The following ELL variants were observed in gnomAD, a reference collection of about 807,000 sequenced individuals.
ELL encodes the protein RNA polymerase II elongation factor ELL.
Under a neutral mutation model 64.0 loss-of-function variants are expected in ELL, and 18 were observed. That is an observed-to-expected ratio of 0.28 (90% CI 0.19 to 0.42). The LOEUF (loss-of-function observed/expected upper bound fraction) is 0.42. ELL is among the 10% of genes least tolerant of loss of function. The pLI, the probability that ELL is intolerant of heterozygous loss-of-function variation, is 1.00. For synonymous variants in ELL, 399 were observed against 376.2 expected, an observed-to-expected ratio of 1.06 and a Z score of -0.70; for missense variants, 797 against 870.4, an observed-to-expected ratio of 0.92 and a Z score of 1.06.
At position 18,461,883 on chromosome 19, in the gene ELL, G is replaced by A. The variant is rs374221374; in HGVS notation, c.470-31C>T. The A allele has an allele frequency of 1.5e-5, 24 of 1,595,140 alleles. No individual in the cohort carries two copies. In the African/African-American group the frequency reaches 2.9e-4, roughly 20 times the overall value. The stretch of plus-strand genomic sequence containing the variant: ...ACAAGAATCCAAGCTTTAGGGAACA[G>A]AGAGGGCGCTGCCGTGTCCTAAGCC... On this transcript the variant is annotated intron_variant, in intron 4 of 11. Coordinates refer to ENST00000262809, the MANE Select transcript of ELL (RefSeq NM_006532.4).
At chr19:18,471,277 A>T in intron 2 of ELL, 1 of 377,558 alleles carries the variant, frequency 2.6e-6, no homozygotes, top group South Asian at 2.0e-5. Context: ...TGAGAAGCTG[A>T]GGTGGGAGGA....
At position 18,461,755 on chromosome 19, in the gene ELL, C is replaced by T. The variant is rs1405706732; in HGVS notation, c.567G>A (p.Arg189=). ...CACTCACGGCACTGGCACCACTCTT[C>T]CTGATGGCACTCGCCAAGTTGATGG... ...ATPINLASAI[R]KSGASAVSGG... Residue 189 remains arginine, a synonymous_variant, in exon 5 of 12, where the codon AGG becomes AGA. Transcript: ENST00000262809. The T allele has an allele frequency of 1.2e-6, 2 of 1,614,066 alleles. No homozygotes were observed. The highest frequency in any genetic ancestry group is 1.7e-5 in the Admixed American group (1 of 60,034).
At chr19:18,515,070 G>A (rs558142893) in intron 1 of ELL, among the ~76,000 whole-genome samples, 1 of 152,242 alleles carries the variant, frequency 6.6e-6, no homozygotes, top group Non-Finnish European at 1.5e-5. Context: ...GTGGGTTTCC[G>A]AGTGAGCGCT....
rs776608000 is a variant in ELL, at chr19:18,443,002, AC to A, written c.*1749del. The stretch of plus-strand genomic sequence containing the variant: ...AAAGGAGAACAAATAAACAACAAAA[AC>A]AACAACAACAACAAAAAGGCAAATT... On this transcript the variant is annotated 3_prime_UTR_variant, in exon 12 of 12. Transcript: ENST00000262809. 44 of 229,878 alleles carry A rather than the reference AC, an allele frequency of 1.9e-4. No individual in the cohort carries two copies. Among genetic ancestry groups the A allele is most frequent in the Non-Finnish European group, 2.9e-4 (33 of 115,780 alleles). 14.2% of individuals were successfully genotyped at this position (229,878 alleles called of 1,614,324 possible). A position where few individuals can be genotyped will look rare whatever the true frequency, so the allele number is the denominator to read the frequency against.
chr19:18,488,384 C>T (rs537468574), intron 1 of ELL, among the ~76,000 whole-genome samples: 24 of 152,304 alleles, frequency 1.6e-4, no homozygotes, highest in African/African-American at 5.3e-4. Context: ...GCAGGAAGCA[C>T]GTGGCACTGC....
Position 18,458,206 on chromosome 19 carries a change from G to A in ELL, c.868C>T (p.Arg290Trp), listed in dbSNP as rs190373181. 68 of 1,609,212 alleles carry A rather than the reference G, an allele frequency of 4.2e-5. 1 individual carries two copies. The highest frequency in any genetic ancestry group is 1.7e-4 in the Middle Eastern group (1 of 6,006). Residue 290 changes from arginine to tryptophan, a missense_variant and splice_region_variant, in exon 6 of 12, where the codon CGG becomes TGG. By Grantham distance (101) the Arg-to-Trp change is moderately radical (BLOSUM62 -3). Transcript: ENST00000262809. ...CTGGGGGATGGGAGGCGGCATTACCGGACGAGCACCCGCTTCAGCAGCTGC... is the reference window on the plus strand; with the variant it reads ...CTGGGGGATGGGAGGCGGCATTACCAGACGAGCACCCGCTTCAGCAGCTGC... ...DQQLLKRVLV[R>W]KLCQPQSTGS...
At chr19:18,473,113 A>G (rs1975099573) in intron 1 of ELL, 9 of 677,894 alleles carry the variant, frequency 1.3e-5, no homozygotes, top group Non-Finnish European at 2.4e-5. Context: ...GACACATGAC[A>G]GGTAAGAATG....
chr19:18,458,465 G>A (rs1974730573), intron 5 of ELL, 136 bp from the exon 6 acceptor site: 1 of 1,379,318 alleles, frequency 7.2e-7, no homozygotes, highest in Non-Finnish European at 9.7e-7. Flanking sequence ...AGAGGAAAGA[G>A]GATGGCCCAC....
At chr19:18,471,633 A>G (rs1324203671) in intron 2 of ELL, among the ~76,000 whole-genome samples, 1 of 152,234 alleles carries the variant, frequency 6.6e-6, no homozygotes, top group Non-Finnish European at 1.5e-5. Context: ...GCACCACTGC[A>G]CTCCAGCCTA....
chr19:18,498,751 AC>A (rs1314037227), intron 1 of ELL, among the ~76,000 whole-genome samples: 1 of 152,144 alleles, frequency 6.6e-6, no homozygotes, highest in Non-Finnish European at 1.5e-5. Flanking sequence ...GGAGTTCGAG[AC>A]CAGCCTGGAC....
intron 1 of ELL, among the ~76,000 whole-genome samples, chr19:18,491,859 G>A (rs1041503449): frequency 1.2e-4 from 18 of 152,268 alleles, no homozygotes; most frequent in Middle Eastern, 3.4e-3. Flanking sequence ...TGAGATTGCA[G>A]TACAGCCTGG....
chr19:18,455,941 A>G (rs1309373614), intron 6 of ELL, among the ~76,000 whole-genome samples: 1 of 152,026 alleles, frequency 6.6e-6, no homozygotes, highest in Non-Finnish European at 1.5e-5. Flanking sequence ...TCTACTAAAA[A>G]TACAAAATTA....
chr19:18,479,976 G>A (rs1331364983), intron 1 of ELL, among the ~76,000 whole-genome samples: 3 of 152,162 alleles, frequency 2.0e-5, no homozygotes, highest in East Asian at 1.9e-4. Context: ...CAGGCAGCAC[G>A]TTCTCCCTGC....
intron 2 of ELL, among the ~76,000 whole-genome samples, chr19:18,466,616 G>A (rs1974941316): frequency 2.0e-5 from 3 of 152,226 alleles, no homozygotes; most frequent in Admixed American, 2.0e-4. Flanking sequence ...CAGGCGGATG[G>A]ACGGACTGCG....
chr19:18,465,053 G>A (rs59511380), intron 4 of ELL, among the ~76,000 whole-genome samples: 3,933 of 152,286 alleles, frequency 0.026, 108 homozygotes, highest in African/African-American at 0.071. Flanking sequence ...CCCATCTTCA[G>A]GGAGCCTGTT....
intron 1 of ELL, among the ~76,000 whole-genome samples, chr19:18,519,307 C>T (rs1202241892): frequency 6.6e-6 from 1 of 152,068 alleles, no homozygotes; most frequent in African/African-American, 2.4e-5. Context: ...ACCACAGCAT[C>T]GAGGAATACA....
intron 6 of ELL, among the ~76,000 whole-genome samples, chr19:18,457,648 G>A (rs1974709659): frequency 6.6e-6 from 1 of 152,228 alleles, no homozygotes; most frequent in Non-Finnish European, 1.5e-5. Flanking sequence ...GGCAGCAGTG[G>A]AGAAGGAAGT....
chr19:18,482,763 T>TTTGTTGTTGTTGTTGTTGTTG (rs71336679), intron 1 of ELL, among the ~76,000 whole-genome samples: 5 of 149,600 alleles, frequency 3.3e-5, no homozygotes, highest in African/African-American at 1.3e-4. Context: ...CTTTTTGGTT[T>TTTGTTGTTGTTGTTGTTGTTG]TTGTTGTTGT....
chr19:18,466,484 C>T (rs1974937934), intron 2 of ELL, among the ~76,000 whole-genome samples: 3 of 152,194 alleles, frequency 2.0e-5, no homozygotes. Context: ...GCTCACAGAT[C>T]AGAAGCACTG....
Sources: allele counts gnomAD v4.1 joint callset (sites outside exome capture counted in the v4.1 genomes callset), GRCh38; gene constraint gnomAD v4.1.1; transcripts MANE v1.5; gene names NCBI Gene and HGNC (gene_info 2026-07-23, HGNC 2026-07-21).